The following EVI5 variants were observed in gnomAD, a reference collection of about 807,000 sequenced individuals.
EVI5 encodes ecotropic viral integration site 5 protein homolog.
In EVI5, 73 loss-of-function variants were observed where a neutral mutation model predicts 112.0. The observed-to-expected ratio is 0.65, with a 90% CI of 0.54 to 0.79. The LOEUF is 0.79. Ranked by LOEUF, EVI5 falls within the 30% of genes least tolerant of loss-of-function variation. The probability of loss-of-function intolerance (pLI) is 0.00; values close to 1 mark genes in which losing one functional copy is unlikely to be tolerated. For synonymous variants in EVI5, 305 were observed against 319.9 expected (o/e 0.95, Z 0.50); for missense variants, 900 against 968.8 (o/e 0.93, Z 0.94).
intron 9 of EVI5, among the ~76,000 whole-genome samples, chr1:92,678,767 C>T (rs143183337): frequency 4.7e-4 from 72 of 152,194 alleles, no homozygotes; most frequent in African/African-American, 1.7e-3. Context: ...CCAGACCAGG[C>T]TCCAAATAAC....
intron 2 of EVI5, among the ~76,000 whole-genome samples, chr1:92,732,837 T>C (rs376752898): frequency 2.1e-5 from 3 of 144,794 alleles, no homozygotes; most frequent in Non-Finnish European, 4.5e-5. Flanking sequence ...GAGGCAGACA[T>C]TGCAGTGAGC....
intron 17 of EVI5, 125 bp downstream of exon 17, chr1:92,607,456 G>A: frequency 3.0e-6 from 2 of 666,176 alleles, no homozygotes; most frequent in Non-Finnish European, 4.5e-6. Flanking sequence ...ACAAGTTCAG[G>A]AAAAGTAGAA....
chr1:92,712,198 A>G (rs1409638708), intron 2 of EVI5, among the ~76,000 whole-genome samples: 4 of 152,182 alleles, frequency 2.6e-5, no homozygotes, highest in Non-Finnish European at 4.4e-5. Flanking sequence ...ACCAAGCACA[A>G]ATTCATGTCT....
Position 92,611,311 on chromosome 1 carries a change from CA to C in EVI5, c.1828-3585del, listed in dbSNP as rs900116467. 1.4e-4 allele frequency among the ~76,000 whole-genome samples: 22 copies of C among 152,008 alleles called. No homozygotes were observed. The East Asian group carries it at 4.3e-3, about 29-fold the overall frequency. The stretch of plus-strand genomic sequence containing the variant: ...GTAATGAAATGTCTAGCAGATATTT[CA>C]ATGGCAAAAATTCATAATGCTTAAA... On this transcript the variant is annotated intron_variant, in intron 16 of 19. Coordinates refer to ENST00000684568, the MANE Select transcript of EVI5 (RefSeq NM_001350197.2).
At chr1:92,561,601 A>ATCT (rs757233659) in intron 19 of EVI5, among the ~76,000 whole-genome samples, 41 of 128,390 alleles carry the variant, frequency 3.2e-4, no homozygotes, top group East Asian at 6.7e-4. Context: ...CTATCTATCT[A>ATCT]ATCTATCCTA....
intron 2 of EVI5, among the ~76,000 whole-genome samples, chr1:92,720,951 G>C (rs1201100829): frequency 6.6e-6 from 1 of 152,176 alleles, no homozygotes; most frequent in Non-Finnish European, 1.5e-5. Flanking sequence ...TCAGAGAAAT[G>C]CAAATCAAAA....
intron 18 of EVI5, among the ~76,000 whole-genome samples, chr1:92,598,766 G>A (rs1003944549): frequency 6.6e-5 from 10 of 152,048 alleles, no homozygotes; most frequent in African/African-American, 2.2e-4. Flanking sequence ...ATTTAGAGAA[G>A]AAAACTAGGT....
intron 9 of EVI5, among the ~76,000 whole-genome samples, chr1:92,691,890 G>C (rs1669558445): frequency 6.6e-6 from 1 of 152,160 alleles, no homozygotes; most frequent in Non-Finnish European, 1.5e-5. Context: ...GTTACATATA[G>C]CAAAAAGGGG....
At chr1:92,713,248 C>G (rs902520475) in intron 2 of EVI5, among the ~76,000 whole-genome samples, 3 of 151,682 alleles carry the variant, frequency 2.0e-5, no homozygotes, top group African/African-American at 7.3e-5. Context: ...TCAAACCAGC[C>G]AGATTTTGGG....
intron 13 of EVI5, among the ~76,000 whole-genome samples, chr1:92,658,529 T>TG (rs1663414108): frequency 6.6e-6 from 1 of 151,858 alleles, no homozygotes; most frequent in African/African-American, 2.4e-5. Context: ...ACCAAGGAGG[T>TG]GGAAGATCTT....
At chr1:92,773,282 C>A (rs1683685750) in intron 1 of EVI5, among the ~76,000 whole-genome samples, 1 of 151,164 alleles carries the variant, frequency 6.6e-6, no homozygotes, top group Admixed American at 6.6e-5. Flanking sequence ...TATATTCATA[C>A]AATGTATTAA....
At chr1:92,713,958 CCTT>C (rs1673228828) in intron 2 of EVI5, 1 of 882,450 alleles carries the variant, frequency 1.1e-6, no homozygotes, top group Non-Finnish European at 1.4e-6. Context: ...ACATTCCCCT[CCTT>C]AATTAAAATG....
At chr1:92,547,889 T>C (rs2100709428) in intron 19 of EVI5, among the ~76,000 whole-genome samples, 1 of 152,316 alleles carries the variant, frequency 6.6e-6, no homozygotes, top group Admixed American at 6.5e-5. Context: ...CAGGACCAGA[T>C]GGATTCACAG....
rs370012212 is a variant in EVI5, at chr1:92,552,698, C to T, written c.2166+10944G>A. On this transcript the variant is annotated intron_variant, in intron 19 of 19. Transcript: ENST00000684568. Reference sequence around the variant, plus strand: ...GATTCTGTATTCTTTAAGTTGGCTGCGCACTCGAATTTTTTCCTAGAAATC... The same window carrying T: ...GATTCTGTATTCTTTAAGTTGGCTGTGCACTCGAATTTTTTCCTAGAAATC... Among the ~76,000 whole-genome samples the T allele has an allele frequency of 1.4e-4, 22 of 152,260 alleles. 1 individual carries two copies. In the South Asian group the frequency reaches 3.5e-3, roughly 24 times the overall value.
chr1:92,697,776 C>A, intron 6 of EVI5, 84 bp downstream of exon 6: 1 of 1,106,312 alleles, frequency 9.0e-7, no homozygotes. Context: ...ATGCTTTTAA[C>A]ATTAAATTTG....
At chr1:92,542,445 T>C (rs1049207838) in intron 19 of EVI5, among the ~76,000 whole-genome samples, 6 of 152,152 alleles carry the variant, frequency 3.9e-5, no homozygotes, top group Non-Finnish European at 8.8e-5. Flanking sequence ...CCTCAAACGG[T>C]TGGAATCAAC....
intron 1 of EVI5, among the ~76,000 whole-genome samples, chr1:92,743,518 G>A (rs1300599814): frequency 6.6e-6 from 1 of 151,970 alleles, no homozygotes; most frequent in Non-Finnish European, 1.5e-5. Flanking sequence ...GTTGCCATGG[G>A]AAGAGGAAAT....
chr1:92,737,994 G>A (rs999734826), intron 1 of EVI5, among the ~76,000 whole-genome samples: 6 of 152,066 alleles, frequency 3.9e-5, no homozygotes, highest in Admixed American at 1.3e-4. Flanking sequence ...GGCTGTTACC[G>A]TTGAGAGACG....
chr1:92,785,845 C>T (rs1245616875), upstream of EVI5, among the ~76,000 whole-genome samples: 1 of 151,890 alleles, frequency 6.6e-6, no homozygotes, highest in African/African-American at 2.4e-5. Context: ...TTTGGGAGGC[C>T]GAGGCGGGCG....
Sources: gnomAD v4.1 joint callset for allele counts (sites outside exome capture counted in the v4.1 genomes callset) on GRCh38, gnomAD v4.1.1 for gene constraint, MANE v1.5 for transcripts, NCBI Gene and HGNC (gene_info 2026-07-23, HGNC 2026-07-21) for gene names.